The following KCNT2 variants were observed in gnomAD, a reference collection of about 807,000 sequenced individuals.
KCNT2 encodes potassium sodium-activated channel subfamily T member 2.
A neutral mutation model predicts 153.8 loss-of-function variants in KCNT2; 67 were observed. That is an observed-to-expected ratio of 0.44 (90% confidence interval 0.36 to 0.53). The LOEUF (loss-of-function observed/expected upper bound fraction) is 0.53, where lower values mean the gene tolerates loss of function less well. Among genes scored for constraint, KCNT2 ranks in the 20% least tolerant of loss-of-function variants. KCNT2 has a pLI of 0.00. For missense variants in KCNT2, 975 were observed against 1,354.8 expected (o/e 0.72, Z 4.40); for synonymous variants, 500 against 458.8 (o/e 1.09, Z -1.15).
chr1:196,318,036 C>A (rs1288324774), intron 20 of KCNT2, among the ~76,000 whole-genome samples: 2 of 150,574 alleles, frequency 1.3e-5, no homozygotes, highest in Non-Finnish European at 3.0e-5. Flanking sequence ...ATTCTTATAA[C>A]TCCTCTCCAT....
At chr1:196,272,438 T>C (rs16839708) in intron 25 of KCNT2, among the ~76,000 whole-genome samples, 4,262 of 151,906 alleles carry the variant, frequency 0.028, 194 homozygotes, top group African/African-American at 0.097. Flanking sequence ...AAAACCTTTT[T>C]TTTGCTTATG....
At position 196,517,795 on chromosome 1, in the gene KCNT2, T is replaced by C. The variant is rs1282909257; in HGVS notation, c.96-25454A>G. ...TAAAGAGGCTAAATAGATGAGTCAC[T>C]GGCATCCCTGAAAGGGACAGGAGAA... On this transcript the variant is annotated intron_variant, in intron 1 of 27. Transcript: ENST00000294725. 4.6e-5 allele frequency among the ~76,000 whole-genome samples: 7 copies of C among 152,274 alleles called. No individual in the cohort carries two copies. In the East Asian group the frequency reaches 1.2e-3, roughly 25 times the overall value.
At chr1:196,249,330 A>G (rs1655742507) in intron 26 of KCNT2, among the ~76,000 whole-genome samples, 1 of 152,206 alleles carries the variant, frequency 6.6e-6, no homozygotes, top group South Asian at 2.1e-4. Context: ...AGAAAGAAAG[A>G]AAGGTCATTC....
intron 1 of KCNT2, among the ~76,000 whole-genome samples, chr1:196,587,425 C>A (rs1054263398): frequency 6.6e-6 from 1 of 152,048 alleles, no homozygotes; most frequent in African/African-American, 2.4e-5. Context: ...ATACCCTCAA[C>A]AGCTCTAATA....
chr1:196,406,608 A>T (rs889205864), intron 12 of KCNT2, among the ~76,000 whole-genome samples: 21 of 146,262 alleles, frequency 1.4e-4, no homozygotes, highest in Non-Finnish European at 2.4e-4. Context: ...AAAAAAAAAA[A>T]TTAAAAGAAG....
chr1:196,587,795 G>A (rs180954222), intron 1 of KCNT2, among the ~76,000 whole-genome samples: 3 of 152,016 alleles, frequency 2.0e-5, no homozygotes, highest in African/African-American at 7.2e-5. Flanking sequence ...AATTGACTAC[G>A]CAATGGCATG....
intron 4 of KCNT2, among the ~76,000 whole-genome samples, chr1:196,480,516 G>C (rs1678913271): frequency 6.6e-6 from 1 of 151,996 alleles, no homozygotes; most frequent in South Asian, 2.1e-4. Context: ...CATAGCATTA[G>C]ATGATCTCTA....
intron 18 of KCNT2, among the ~76,000 whole-genome samples, chr1:196,329,230 C>T (rs1396377404): frequency 6.6e-6 from 1 of 152,076 alleles, no homozygotes; most frequent in African/African-American, 2.4e-5. Context: ...TAATCCCATA[C>T]TGTTCCTAAA....
At chr1:196,402,422 C>T (rs1417302127) in intron 12 of KCNT2, among the ~76,000 whole-genome samples, 1 of 151,338 alleles carries the variant, frequency 6.6e-6, no homozygotes. Flanking sequence ...GGAATAAATG[C>T]AAGTTTATAA....
chr1:196,537,902 G>A (rs909173061), intron 1 of KCNT2, among the ~76,000 whole-genome samples: 1 of 152,160 alleles, frequency 6.6e-6, no homozygotes, highest in African/African-American at 2.4e-5. Context: ...GTGAACCCAG[G>A]TCTGCATTCA....
intron 12 of KCNT2, among the ~76,000 whole-genome samples, chr1:196,408,767 T>G (rs1273446271): frequency 3.3e-5 from 5 of 151,708 alleles, no homozygotes; most frequent in Admixed American, 6.6e-5. Flanking sequence ...TTTTAAATTC[T>G]CTGCTATATC....
intron 1 of KCNT2, among the ~76,000 whole-genome samples, chr1:196,594,645 G>A (rs558253552): frequency 1.3e-4 from 20 of 152,106 alleles, no homozygotes; most frequent in Middle Eastern, 6.8e-3. Flanking sequence ...CAAAATAATG[G>A]CATGTAGAAT....
At chr1:196,374,445 A>G (rs551892591) in intron 13 of KCNT2, among the ~76,000 whole-genome samples, 6 of 151,958 alleles carry the variant, frequency 3.9e-5, no homozygotes, top group Admixed American at 1.3e-4. Flanking sequence ...TCTCTTTCAC[A>G]TTTTATGGAA....
intron 14 of KCNT2, among the ~76,000 whole-genome samples, chr1:196,361,378 G>C (rs954972491): frequency 6.6e-6 from 1 of 152,014 alleles, no homozygotes; most frequent in Non-Finnish European, 1.5e-5. Context: ...CCAGAATGAT[G>C]CAATTAGACA....
intron 8 of KCNT2, among the ~76,000 whole-genome samples, chr1:196,449,617 T>A (rs1456029292): frequency 6.6e-6 from 1 of 151,546 alleles, no homozygotes; most frequent in Non-Finnish European, 1.5e-5. Flanking sequence ...CTTTAAAATA[T>A]CCTGGGAAAG....
chr1:196,573,613 T>C (rs919958483), intron 1 of KCNT2, among the ~76,000 whole-genome samples: 1 of 151,280 alleles, frequency 6.6e-6, no homozygotes, highest in Non-Finnish European at 1.5e-5. Flanking sequence ...AAACACTAAA[T>C]AACTAATAAA....
chr1:196,540,008 G>C (rs966092462), intron 1 of KCNT2, among the ~76,000 whole-genome samples: 3 of 151,952 alleles, frequency 2.0e-5, no homozygotes, highest in Non-Finnish European at 2.9e-5. Flanking sequence ...ACAAGGGTAT[G>C]ATCAAATTTG....
chr1:196,395,236 C>G (rs989170785), intron 13 of KCNT2, among the ~76,000 whole-genome samples: 1 of 151,364 alleles, frequency 6.6e-6, no homozygotes, highest in African/African-American at 2.4e-5. Flanking sequence ...CCAAAACTAT[C>G]CTGAATGAGT....
chr1:196,264,601 C>T (rs1402305314), intron 25 of KCNT2, among the ~76,000 whole-genome samples: 1 of 151,714 alleles, frequency 6.6e-6, no homozygotes, highest in Non-Finnish European at 1.5e-5. Context: ...TCACTCCAGC[C>T]CCAATATATA....
Sources: gnomAD v4.1 joint callset for allele counts (sites outside exome capture counted in the v4.1 genomes callset) on GRCh38, gnomAD v4.1.1 for gene constraint, MANE v1.5 for transcripts, NCBI Gene and HGNC (gene_info 2026-07-23, HGNC 2026-07-21) for gene names.